The following GRIK1 variants were observed in gnomAD, a reference collection of about 807,000 sequenced individuals.
GRIK1 encodes glutamate receptor ionotropic, kainate 1.
GRIK1 carries 69 observed loss-of-function variants against 105.7 expected under a neutral mutation model. That is an observed-to-expected ratio of 0.65 (90% CI 0.54 to 0.80). GRIK1 has a LOEUF of 0.80. GRIK1 is among the 30% of genes least tolerant of loss of function. The pLI is 0.00. For synonymous variants in GRIK1, 438 were observed against 431.3 expected (o/e 1.02, Z -0.19); for missense variants, 1,109 against 1,167.3 (o/e 0.95, Z 0.73).
chr21:29,763,020 T>C (rs554989760), intron 1 of GRIK1, among the ~76,000 whole-genome samples: 4 of 152,184 alleles, frequency 2.6e-5, no homozygotes, highest in Non-Finnish European at 5.9e-5. Flanking sequence ...GCTTTTCTCC[T>C]CCAAAGTAGT....
chr21:29,877,049 A>G (rs937478121), intron 1 of GRIK1, among the ~76,000 whole-genome samples: 7 of 152,200 alleles, frequency 4.6e-5, no homozygotes, highest in Non-Finnish European at 1.0e-4. Flanking sequence ...TATATTTAGA[A>G]TAAAAGTTTG....
chr21:29,695,630 A>G (rs1049545837), intron 1 of GRIK1, among the ~76,000 whole-genome samples: 3 of 152,060 alleles, frequency 2.0e-5, no homozygotes, highest in Admixed American at 6.6e-5. Flanking sequence ...ATGCACCACC[A>G]TGACTGGCTA....
chr21:29,921,233 A>G (rs897126257), intron 1 of GRIK1, among the ~76,000 whole-genome samples: 1 of 152,264 alleles, frequency 6.6e-6, no homozygotes. Context: ...TCGCAGTTGC[A>G]TACAACTGTT....
chr21:29,610,158 C>G (rs535972710), intron 7 of GRIK1, among the ~76,000 whole-genome samples: 1 of 152,296 alleles, frequency 6.6e-6, no homozygotes, highest in South Asian at 2.1e-4. Flanking sequence ...GTTGGGCACT[C>G]AGAGAAATTC....
At chr21:29,893,795 T>C (rs192581674) in intron 1 of GRIK1, among the ~76,000 whole-genome samples, 2 of 152,300 alleles carry the variant, frequency 1.3e-5, no homozygotes, top group Middle Eastern at 3.4e-3. Flanking sequence ...TGATAAGTAC[T>C]AGCATGGAGG....
intron 1 of GRIK1, among the ~76,000 whole-genome samples, chr21:29,794,265 T>G (rs2066498709): frequency 6.6e-6 from 1 of 152,172 alleles, no homozygotes; most frequent in South Asian, 2.1e-4. Context: ...CCCTAACAAT[T>G]TAGTGCATAG....
intron 1 of GRIK1, among the ~76,000 whole-genome samples, chr21:29,893,084 A>C (rs531283806): frequency 6.6e-6 from 1 of 152,204 alleles, no homozygotes; most frequent in Non-Finnish European, 1.5e-5. Context: ...AAAATAATAC[A>C]GTTGTTGAAA....
chr21:29,714,822 A>AT (rs1390207317), intron 1 of GRIK1, among the ~76,000 whole-genome samples: 6 of 152,080 alleles, frequency 3.9e-5, no homozygotes, highest in South Asian at 2.1e-4. Flanking sequence ...TTGTTCCTCA[A>AT]TTTTTTTAAC....
intron 1 of GRIK1, among the ~76,000 whole-genome samples, chr21:29,740,503 A>G (rs931788408): frequency 1.3e-5 from 2 of 152,302 alleles, no homozygotes; most frequent in South Asian, 4.1e-4. Flanking sequence ...GGCGTGAGCC[A>G]TCGTGCCTGG....
intron 1 of GRIK1, among the ~76,000 whole-genome samples, chr21:29,768,794 TC>T (rs370787978): frequency 3.3e-5 from 5 of 152,302 alleles, no homozygotes; most frequent in African/African-American, 1.2e-4. Flanking sequence ...ACATTTTCTG[TC>T]CTCAACTTAC....
At chr21:29,879,480 G>A (rs2069315606) in intron 1 of GRIK1, among the ~76,000 whole-genome samples, 1 of 151,916 alleles carries the variant, frequency 6.6e-6, no homozygotes, top group East Asian at 1.9e-4. Flanking sequence ...AGATAGCTAG[G>A]TATGCATTTA....
At chr21:29,593,644 A>G (rs544045371) in intron 9 of GRIK1, among the ~76,000 whole-genome samples, 3 of 152,276 alleles carry the variant, frequency 2.0e-5, no homozygotes, top group South Asian at 2.1e-4. Context: ...AGGGAATCTA[A>G]TTTTTAATTA....
At chr21:29,665,596 T>C (rs2063043895) in intron 4 of GRIK1, among the ~76,000 whole-genome samples, 2 of 152,238 alleles carry the variant, frequency 1.3e-5, no homozygotes, top group East Asian at 3.8e-4. Context: ...TTTGAAAGCC[T>C]ACTAAGTACA....
intron 1 of GRIK1, among the ~76,000 whole-genome samples, chr21:29,826,117 A>G (rs2067448446): frequency 6.6e-6 from 1 of 152,100 alleles, no homozygotes; most frequent in Non-Finnish European, 1.5e-5. Flanking sequence ...TCTCTTCCTC[A>G]TAACAAAATT....
chr21:29,622,331 A>T (rs2062023715), intron 7 of GRIK1, among the ~76,000 whole-genome samples: 1 of 152,176 alleles, frequency 6.6e-6, no homozygotes, highest in Non-Finnish European at 1.5e-5. Context: ...TGAAAAGCTG[A>T]ATTGCTATTC....
At chr21:29,625,274 A>G (rs1405533503) in intron 7 of GRIK1, among the ~76,000 whole-genome samples, 5 of 152,196 alleles carry the variant, frequency 3.3e-5, no homozygotes, top group Non-Finnish European at 7.3e-5. Context: ...GCATAAGATC[A>G]TCTAAGTTTC....
intron 1 of GRIK1, among the ~76,000 whole-genome samples, chr21:29,767,810 G>T (rs1206809341): frequency 6.6e-6 from 1 of 151,136 alleles, no homozygotes; most frequent in Non-Finnish European, 1.5e-5. Context: ...AAATTTGTAT[G>T]TATGTGTGTG....
At chr21:29,782,227 C>G (rs1205083121) in intron 1 of GRIK1, among the ~76,000 whole-genome samples, 3 of 151,762 alleles carry the variant, frequency 2.0e-5, no homozygotes, top group Non-Finnish European at 4.4e-5. Context: ...GCTGGGACTG[C>G]AGGCGCCCGC....
intron 1 of GRIK1, among the ~76,000 whole-genome samples, chr21:29,715,953 C>A (rs184560291): frequency 6.6e-6 from 1 of 151,956 alleles, no homozygotes; most frequent in Non-Finnish European, 1.5e-5. Context: ...TTCCCATAAT[C>A]CCTATGTGTG....
Sources: gnomAD v4.1 joint callset for allele counts (sites outside exome capture counted in the v4.1 genomes callset) on GRCh38, gnomAD v4.1.1 for gene constraint, MANE v1.5 for transcripts, NCBI Gene and HGNC (gene_info 2026-07-23, HGNC 2026-07-21) for gene names.